ANKRD6: variants seen among roughly 807,000 people sequenced by gnomAD.
ANKRD6 encodes ankyrin repeat domain 6.
A neutral mutation model predicts 82.3 loss-of-function variants in ANKRD6; 56 were observed. The ratio of observed to expected loss-of-function variants is 0.68; its 90% CI spans 0.55 to 0.85. The LOEUF (loss-of-function observed/expected upper bound fraction) is 0.85. Among genes scored for constraint, ANKRD6 ranks in the 40% least tolerant of loss-of-function variants. The pLI is 0.00. For synonymous variants in ANKRD6, 347 were observed against 352.1 expected, an observed-to-expected ratio of 0.99 and a Z score of 0.16; for missense variants, 852 against 907.6, an observed-to-expected ratio of 0.94 and a Z score of 0.79.
At chr6:89,599,132 C>T (rs1362942335) in intron 3 of ANKRD6, among the ~76,000 whole-genome samples, 3 of 152,006 alleles carry the variant, frequency 2.0e-5, no homozygotes, top group Admixed American at 6.6e-5. Flanking sequence ...CAGTGCTTTG[C>T]GTGGCTATGG....
chr6:89,583,976 A>G (rs374764409), intron 2 of ANKRD6, among the ~76,000 whole-genome samples: 2 of 152,222 alleles, frequency 1.3e-5, no homozygotes, highest in African/African-American at 4.8e-5. Context: ...TCCATATTGC[A>G]TCCTGTTGCC....
At position 89,627,739 on chromosome 6, in the gene ANKRD6, C is replaced by T. The variant is rs755124321; in HGVS notation, c.1485+43C>T. Reference sequence around the variant, plus strand: ...CTAGTCCTTAACTTATGATTTACCACACAGGCCCACTGAGCTCAGGCAGGC... The same window carrying T: ...CTAGTCCTTAACTTATGATTTACCATACAGGCCCACTGAGCTCAGGCAGGC... On this transcript the variant is annotated intron_variant, in intron 14 of 15. Transcript: ENST00000339746. The T allele has an allele frequency of 3.8e-6, 6 of 1,579,308 alleles. No homozygotes were observed. In the East Asian group the frequency reaches 6.7e-5, roughly 18 times the overall value.
intron 1 of ANKRD6, among the ~76,000 whole-genome samples, chr6:89,533,063 G>A (rs1189863353): frequency 1.3e-5 from 2 of 151,920 alleles, no homozygotes; most frequent in Non-Finnish European, 2.9e-5. Flanking sequence ...TTTTAGTAGA[G>A]ACGGGGTTTC....
intron 1 of ANKRD6, among the ~76,000 whole-genome samples, chr6:89,481,228 A>G (rs900379173): frequency 1.3e-5 from 2 of 152,230 alleles, no homozygotes; most frequent in Non-Finnish European, 2.9e-5. Context: ...CAGTAGTTAT[A>G]TCCATGTTGG....
intron 1 of ANKRD6, among the ~76,000 whole-genome samples, chr6:89,547,158 G>C (rs1195442311): frequency 6.6e-6 from 1 of 150,900 alleles, no homozygotes. Flanking sequence ...ACTGTTGTGG[G>C]CCATTGCTAA....
intron 3 of ANKRD6, among the ~76,000 whole-genome samples, chr6:89,599,923 C>T (rs1255754727): frequency 2.6e-5 from 4 of 152,084 alleles, no homozygotes; most frequent in African/African-American, 7.2e-5. Flanking sequence ...TTATCTGACC[C>T]GGGCTCTCGG....
intron 12 of ANKRD6, 180 bp from the exon 13 acceptor site, chr6:89,624,359 T>G: frequency 1.3e-6 from 1 of 763,232 alleles, no homozygotes; most frequent in Non-Finnish European, 2.1e-6. Flanking sequence ...CCCTCTGAAT[T>G]TTAGTGTCTG....
At position 89,602,882 on chromosome 6, in the gene ANKRD6, G is replaced by A. The variant is rs149470681; in HGVS notation, c.220-147G>A. On this transcript the variant is annotated intron_variant, in intron 3 of 15. Transcript: ENST00000339746. Reference sequence around the variant, plus strand: ...CTAACAAGACCACAAAGCCCGCCTTGCCTGTGGTAACCAAGCCCTTCTGCG... The same window carrying A: ...CTAACAAGACCACAAAGCCCGCCTTACCTGTGGTAACCAAGCCCTTCTGCG... 214 of 611,944 alleles carry A rather than the reference G, an allele frequency of 3.5e-4. 1 individual carries two copies. In the East Asian group the frequency reaches 5.8e-3, roughly 17 times the overall value. 37.9% of individuals were successfully genotyped at this position (611,944 alleles called of 1,614,324 possible).
At chr6:89,526,068 C>T (rs1241252190) in intron 1 of ANKRD6, among the ~76,000 whole-genome samples, 2 of 152,214 alleles carry the variant, frequency 1.3e-5, no homozygotes, top group East Asian at 3.8e-4. Context: ...AGCCCTGAAC[C>T]CTCTACCCTC....
chr6:89,470,450 T>C (rs1452760666), intron 1 of ANKRD6, among the ~76,000 whole-genome samples: 1 of 152,122 alleles, frequency 6.6e-6, no homozygotes, highest in African/African-American at 2.4e-5. Context: ...GAGACTCTTG[T>C]CTCTACAAAA....
At chr6:89,439,479 G>A (rs1771083515) in intron 1 of ANKRD6, among the ~76,000 whole-genome samples, 1 of 152,066 alleles carries the variant, frequency 6.6e-6, no homozygotes, top group African/African-American at 2.4e-5. Context: ...GTAAATTTGT[G>A]CCCAAGAGGG....
intron 1 of ANKRD6, among the ~76,000 whole-genome samples, chr6:89,436,439 T>C (rs1770647389): frequency 6.6e-6 from 1 of 152,234 alleles, no homozygotes; most frequent in Admixed American, 6.5e-5. Context: ...GGTATACTAG[T>C]TTCCATTGAA....
Position 89,606,944 on chromosome 6 carries a change from C to T in ANKRD6, c.417+839C>T, listed in dbSNP as rs981017043. ...CAAACTTTTAGGAGGCTGAGGCAGG[C>T]GGATCACTTGAGACCAGGCATTCAA... On this transcript the variant is annotated intron_variant, in intron 5 of 15. Coordinates refer to ENST00000339746, the MANE Select transcript of ANKRD6 (RefSeq NM_001242809.2). Among the ~76,000 whole-genome samples, 4 of 149,944 alleles carry T rather than the reference C, an allele frequency of 2.7e-5. No individual in the cohort carries two copies. The South Asian group carries it at 6.4e-4, about 24-fold the overall frequency.
intron 1 of ANKRD6, among the ~76,000 whole-genome samples, chr6:89,525,268 T>C (rs568037649): frequency 2.9e-5 from 4 of 136,422 alleles, no homozygotes; most frequent in African/African-American, 8.4e-5. Flanking sequence ...CACTCCAGCC[T>C]GGGCGACATA....
chr6:89,547,724 T>C (rs891202901), intron 1 of ANKRD6, among the ~76,000 whole-genome samples: 1 of 152,194 alleles, frequency 6.6e-6, no homozygotes, highest in Admixed American at 6.5e-5. Context: ...GTATCCTTTA[T>C]TGGATCTGAT....
At chr6:89,480,451 T>C (rs1461930601) in intron 1 of ANKRD6, among the ~76,000 whole-genome samples, 2 of 152,072 alleles carry the variant, frequency 1.3e-5, no homozygotes. Flanking sequence ...GTTCCCTTCA[T>C]CTCAAAAGTG....
chr6:89,461,205 C>T (rs1480134497), intron 1 of ANKRD6, among the ~76,000 whole-genome samples: 3 of 152,082 alleles, frequency 2.0e-5, no homozygotes, highest in Non-Finnish European at 2.9e-5. Context: ...TGAGCCACCG[C>T]ACCTGGCTTG....
At chr6:89,609,614 GT>G (rs752643667) in intron 5 of ANKRD6, among the ~76,000 whole-genome samples, 25 of 150,014 alleles carry the variant, frequency 1.7e-4, no homozygotes, top group Non-Finnish European at 3.3e-4. Flanking sequence ...TAATCACCAC[GT>G]TTTTTTGTTT....
In ANKRD6 at chr6:89,631,543, A is replaced by G. The variant is rs1429052686; in HGVS notation, c.*539A>G. The G allele has an allele frequency of 6.6e-6, 1 of 152,254 alleles. No homozygotes were observed. The highest frequency in any genetic ancestry group is 1.5e-5 in the Non-Finnish European group (1 of 68,052). 9.4% of individuals were successfully genotyped at this position (152,254 alleles called of 1,614,324 possible). A position where few individuals can be genotyped will look rare whatever the true frequency, so the allele number is the denominator to read the frequency against. ...TGACATTTTAATCACATGAAAAGTT[A>G]TCAGATTTTTGAGGAGAAATATTTT... is the stretch of plus-strand genomic sequence containing the variant. On this transcript the variant is annotated 3_prime_UTR_variant, in exon 16 of 16. Transcript: ENST00000339746.
Sources: gnomAD v4.1 joint callset for allele counts (sites outside exome capture counted in the v4.1 genomes callset) on GRCh38, gnomAD v4.1.1 for gene constraint, MANE v1.5 for transcripts, NCBI Gene and HGNC (gene_info 2026-07-23, HGNC 2026-07-21) for gene names.